The following TMEM116 variants were observed in gnomAD, a reference collection of about 807,000 sequenced individuals.
TMEM116 encodes the protein transmembrane protein 116.
Under a neutral mutation model 44.3 loss-of-function variants are expected in TMEM116, and 38 were observed. The ratio of observed to expected loss-of-function variants is 0.86; its 90% CI spans 0.66 to 1.12. The LOEUF is 1.12. Ranked by LOEUF, TMEM116 falls within the 50% of genes most tolerant of loss-of-function variation. The pLI, the probability that TMEM116 is intolerant of heterozygous loss-of-function variation, is 0.00. For synonymous variants in TMEM116, 132 were observed against 144.8 expected, an observed-to-expected ratio of 0.91 and a Z score of 0.64; for missense variants, 354 against 401.7, an observed-to-expected ratio of 0.88 and a Z score of 1.01.
chr12:111,931,851 C>T, intron 10 of TMEM116, 24 bp from the exon 11 acceptor site: 1 of 1,470,066 alleles, frequency 6.8e-7, no homozygotes, highest in Non-Finnish European at 9.0e-7. Flanking sequence ...AGGGGTGATG[C>T]AGCCCATGCT....
rs1278229630 is a variant in TMEM116, at chr12:111,994,347, GC to G, written c.79-2459del. On this transcript the variant is annotated intron_variant, in intron 3 of 10. Coordinates refer to ENST00000552374, the MANE Select transcript of TMEM116 (RefSeq NM_001193531.2). The stretch of plus-strand genomic sequence containing the variant: ...GACTTATCGTGGGATCTGGCCAGCA[GC>G]CCGCAATGCAACGGGGCTCTTTCTT... Among the ~76,000 whole-genome samples, 23 of 152,280 alleles carry G rather than the reference GC, an allele frequency of 1.5e-4. No individual in the cohort carries two copies. The East Asian group carries it at 3.1e-3, about 20-fold the overall frequency.
chr12:111,978,656 T>G (rs1466217675), intron 4 of TMEM116: 1 of 281,830 alleles, frequency 3.5e-6, no homozygotes, highest in Non-Finnish European at 7.3e-6. Context: ...ATGAGAGGGC[T>G]TGCTCTCTGT....
intron 1 of TMEM116, among the ~76,000 whole-genome samples, chr12:112,008,060 G>C (rs2077668545): frequency 6.6e-6 from 1 of 152,288 alleles, no homozygotes; most frequent in Middle Eastern, 3.4e-3. Flanking sequence ...TTGCATGCCT[G>C]TGGTCCCAGC....
intron 4 of TMEM116, among the ~76,000 whole-genome samples, chr12:111,991,296 G>A (rs1471865501): frequency 6.6e-6 from 1 of 151,318 alleles, no homozygotes; most frequent in Non-Finnish European, 1.5e-5. Flanking sequence ...GCCGAGGCGG[G>A]TGGATCATGA....
intron 3 of TMEM116, chr12:111,993,279 C>G (rs998539595): frequency 2.2e-6 from 1 of 458,876 alleles, no homozygotes; most frequent in Non-Finnish European, 4.4e-6. Flanking sequence ...GGTGGACCCC[C>G]AAAAGTAGAA....
chr12:111,977,529 C>T (rs2075735486), intron 4 of TMEM116, among the ~76,000 whole-genome samples: 1 of 151,876 alleles, frequency 6.6e-6, no homozygotes, highest in Non-Finnish European at 1.5e-5. Context: ...AAACTATCAC[C>T]AAGTAGACCT....
At chr12:111,948,609 T>C (rs541630099) in intron 4 of TMEM116, among the ~76,000 whole-genome samples, 37 of 152,246 alleles carry the variant, frequency 2.4e-4, no homozygotes, top group African/African-American at 8.9e-4. Context: ...TCTTGGGGAA[T>C]AATCAAAGCA....
intron 4 of TMEM116, among the ~76,000 whole-genome samples, chr12:111,973,386 T>A (rs79184421): frequency 9.8e-4 from 150 of 152,302 alleles, no homozygotes; most frequent in African/African-American, 3.4e-3. Flanking sequence ...ATATACCAGC[T>A]ACCATGGCAC....
chr12:111,968,992 C>CAAAAAA (rs1176204219), intron 4 of TMEM116, among the ~76,000 whole-genome samples: 41 of 44,728 alleles, frequency 9.2e-4, no homozygotes, highest in East Asian at 3.3e-3. Flanking sequence ...GACTCTATCT[C>CAAAAAA]AAAAAAAAAA....
chr12:111,993,668 C>G, intron 3 of TMEM116: 1 of 597,164 alleles, frequency 1.7e-6, no homozygotes, highest in Non-Finnish European at 3.3e-6. Context: ...ATAGCATATG[C>G]CATGATGAAG....
At chr12:111,962,550 A>G (rs1053964118) in intron 4 of TMEM116, among the ~76,000 whole-genome samples, 1 of 152,242 alleles carries the variant, frequency 6.6e-6, no homozygotes, top group Non-Finnish European at 1.5e-5. Context: ...ACCTGACAAA[A>G]ACAAGCAATG....
At chr12:111,956,745 C>A (rs1363945188) in intron 4 of TMEM116, among the ~76,000 whole-genome samples, 2 of 152,194 alleles carry the variant, frequency 1.3e-5, no homozygotes, top group Non-Finnish European at 2.9e-5. Context: ...CAGCTCCTGA[C>A]CGCGAGTGGT....
At chr12:112,001,594 T>C (rs2077262108) in intron 3 of TMEM116, among the ~76,000 whole-genome samples, 1 of 152,204 alleles carries the variant, frequency 6.6e-6, no homozygotes, top group Non-Finnish European at 1.5e-5. Flanking sequence ...TACAAATAAT[T>C]ATCTAGCCCC....
intron 3 of TMEM116, among the ~76,000 whole-genome samples, chr12:111,995,797 G>A (rs1163023007): frequency 3.9e-5 from 6 of 151,966 alleles, no homozygotes; most frequent in African/African-American, 1.2e-4. Flanking sequence ...TTGGGAGGCC[G>A]AGGCAGGAGG....
chr12:111,970,648 G>A (rs1379595974), intron 4 of TMEM116, among the ~76,000 whole-genome samples: 11 of 149,300 alleles, frequency 7.4e-5, no homozygotes, highest in African/African-American at 2.2e-4. Context: ...GTGCAATGGC[G>A]TGATCTCAGC....
chr12:111,943,166 T>G, intron 5 of TMEM116, 99 bp downstream of exon 5: 1 of 918,468 alleles, frequency 1.1e-6, no homozygotes, highest in East Asian at 2.5e-5. Flanking sequence ...ATAAGCAATC[T>G]GCCCCCCTCA....
At chr12:111,957,808 A>G (rs1452894695) in intron 4 of TMEM116, among the ~76,000 whole-genome samples, 1 of 152,252 alleles carries the variant, frequency 6.6e-6, no homozygotes, top group African/African-American at 2.4e-5. Context: ...GGCCATGATG[A>G]CAATGGCGGT....
intron 4 of TMEM116, among the ~76,000 whole-genome samples, chr12:111,945,368 A>G (rs201670093): frequency 6.8e-6 from 1 of 147,758 alleles, no homozygotes; most frequent in African/African-American, 2.6e-5. Context: ...AAAAAAAAAA[A>G]AGAAGAAGAA....
At chr12:111,939,938 G>GTGTGTGTGTGTGTGTGTGT (rs2072564323) in intron 5 of TMEM116, among the ~76,000 whole-genome samples, 1 of 137,636 alleles carries the variant, frequency 7.3e-6, no homozygotes, top group Admixed American at 7.4e-5. Context: ...GTGTGTGTAT[G>GTGTGTGTGTGTGTGTGTGT]GAGCTACTAC....
Sources: allele counts gnomAD v4.1 joint callset (sites outside exome capture counted in the v4.1 genomes callset), GRCh38; gene constraint gnomAD v4.1.1; transcripts MANE v1.5; gene names NCBI Gene and HGNC (gene_info 2026-07-23, HGNC 2026-07-21).